BCAS3: variants seen among roughly 807,000 people sequenced by gnomAD.
The protein encoded by BCAS3 is BCAS3 microtubule associated cell migration factor.
In BCAS3, 53 loss-of-function variants were observed where a neutral mutation model predicts 116.1. The observed-to-expected ratio is 0.46, with a 90% confidence interval of 0.37 to 0.57. BCAS3 has a LOEUF of 0.57. Ranked by LOEUF, BCAS3 falls within the 20% of genes least tolerant of loss-of-function variation. BCAS3 has a pLI of 0.00. For synonymous variants in BCAS3, 391 were observed against 408.2 expected, an observed-to-expected ratio of 0.96 and a Z score of 0.51; for missense variants, 917 against 1,165.4, an observed-to-expected ratio of 0.79 and a Z score of 3.10.
chr17:61,009,024 A>T (rs367875771), intron 15 of BCAS3, among the ~76,000 whole-genome samples: 4 of 152,004 alleles, frequency 2.6e-5, no homozygotes, highest in African/African-American at 9.7e-5. Context: ...AGATAAGTGT[A>T]TGGAGAGGTG....
At chr17:60,874,016 T>C (rs949897179) in intron 8 of BCAS3, among the ~76,000 whole-genome samples, 4 of 152,016 alleles carry the variant, frequency 2.6e-5, no homozygotes, top group African/African-American at 9.7e-5. Flanking sequence ...ATCTTATCCA[T>C]CTTTACTGTA....
intron 22 of BCAS3, among the ~76,000 whole-genome samples, chr17:61,268,579 T>C (rs565111594): frequency 1.5e-3 from 232 of 151,984 alleles, no homozygotes; most frequent in African/African-American, 5.4e-3. Context: ...TTTCTGGGTT[T>C]TTTTTGTTTT....
intron 5 of BCAS3, among the ~76,000 whole-genome samples, chr17:60,739,192 C>T (rs551473448): frequency 7.9e-5 from 12 of 152,234 alleles, no homozygotes; most frequent in East Asian, 7.7e-4. Context: ...TCATTGCTGT[C>T]ATTTATTTCA....
intron 22 of BCAS3, among the ~76,000 whole-genome samples, chr17:61,114,123 G>A (rs1383747582): frequency 7.0e-6 from 1 of 143,600 alleles, no homozygotes; most frequent in Non-Finnish European, 1.5e-5. Flanking sequence ...CAAACCCACA[G>A]CCAATATCAT....
intron 22 of BCAS3, among the ~76,000 whole-genome samples, chr17:61,329,256 C>T (rs547573861): frequency 4.6e-5 from 7 of 152,060 alleles, no homozygotes; most frequent in African/African-American, 9.6e-5. Flanking sequence ...TGTGCCCCAC[C>T]GCCAAATACC....
Position 61,186,179 on chromosome 17 carries a change from C to G in BCAS3, c.2425+101615C>G, listed in dbSNP as rs1271898053. On this transcript the variant is annotated intron_variant, in intron 22 of 23. Transcript: ENST00000407086. The surrounding 1 kb of genome is among the most constrained non-coding windows in gnomAD (Gnocchi z 4.9). ...ACGATAGCTTATTTATATATTCATA[C>G]ACATTCTATAAAATCATTTTTAACC... Among the ~76,000 whole-genome samples, 1 of 152,082 alleles carries G rather than the reference C, an allele frequency of 6.6e-6. No individual in the cohort carries two copies.
intron 5 of BCAS3, among the ~76,000 whole-genome samples, chr17:60,738,967 G>A (rs922475658): frequency 6.6e-6 from 1 of 151,626 alleles, no homozygotes; most frequent in Non-Finnish European, 1.5e-5. Context: ...TACTTTTGCT[G>A]CTTTTTTAGT....
rs1393774929 is a variant in BCAS3, at chr17:61,332,214, A to G, written c.2426-36113A>G. 6.6e-6 allele frequency among the ~76,000 whole-genome samples: 1 copy of G among 152,204 alleles called. No individual in the cohort carries two copies. Among genetic ancestry groups the G allele is most frequent in the Non-Finnish European group, 1.5e-5 (1 of 68,044 alleles). On this transcript the variant is annotated intron_variant, in intron 22 of 23. Coordinates refer to ENST00000407086, the MANE Select transcript of BCAS3 (RefSeq NM_017679.5). The surrounding 1 kb of genome is among the most constrained non-coding windows in gnomAD (Gnocchi z 5.4). ...GGCTTCTCTTCTATGTTTCGGGGAC[A>G]TGAGAAGAAGGCATTCTTAGAACAG...
Position 60,689,903 on chromosome 17 carries a change from GCAGTA to G in BCAS3, c.214+146_214+150del. On this transcript the variant is annotated intron_variant, in intron 4 of 23. Transcript: ENST00000407086. ...TTTCAAAATAAAAGGTAGCATAACC[GCAGTA>G]CAGAAACTTTAGAACTAATATTGTG... 6 of 594,314 alleles carry G rather than the reference GCAGTA, an allele frequency of 1.0e-5. No homozygotes were observed. In the South Asian group the frequency reaches 1.3e-4, roughly 13 times the overall value. 36.8% of individuals were successfully genotyped at this position (594,314 alleles called of 1,614,324 possible). A position where few individuals can be genotyped will look rare whatever the true frequency, so the allele number is the denominator to read the frequency against.
rs1306491576 is a variant in BCAS3, at chr17:61,256,355, G to A, written c.2426-111972G>A. On this transcript the variant is annotated intron_variant, in intron 22 of 23. Coordinates refer to ENST00000407086, the MANE Select transcript of BCAS3 (RefSeq NM_017679.5). This position sits in a 1 kb window ranked among gnomAD's most constrained non-coding sequence, Gnocchi z 5.6. Reference sequence around the variant, plus strand: ...GTTTCACTCTCTCGCCCAGGCTGGAGTGCAGCGGTGTGATCAAGGCTCACT... The same window carrying A: ...GTTTCACTCTCTCGCCCAGGCTGGAATGCAGCGGTGTGATCAAGGCTCACT... Among the ~76,000 whole-genome samples, 5 of 152,042 alleles carry A rather than the reference G, an allele frequency of 3.3e-5. No homozygotes were observed. The highest frequency in any genetic ancestry group is 5.9e-5 in the Non-Finnish European group (4 of 68,006).
chr17:61,322,915 C>T lies in BCAS3; in HGVS notation c.2426-45412C>T, dbSNP rs570741107. Among the ~76,000 whole-genome samples, 9 of 147,390 alleles carry T rather than the reference C, an allele frequency of 6.1e-5. No individual in the cohort carries two copies. In the East Asian group the frequency reaches 8.0e-4, roughly 13 times the overall value. ...GGTCCTCTGGGAGACAGGGGCAAAT[C>T]GTCATGGAATAAGAATCTGTTTGAG... On this transcript the variant is annotated intron_variant, in intron 22 of 23. Transcript: ENST00000407086.
intron 15 of BCAS3, among the ~76,000 whole-genome samples, chr17:60,991,450 A>G (rs2063519797): frequency 1.3e-5 from 2 of 152,220 alleles, no homozygotes; most frequent in African/African-American, 2.4e-5. Flanking sequence ...ACCTTGATAA[A>G]TAACACTGGA....
chr17:61,091,979 G>A (rs1211038163), intron 22 of BCAS3, among the ~76,000 whole-genome samples: 1 of 152,176 alleles, frequency 6.6e-6, no homozygotes, highest in Non-Finnish European at 1.5e-5. Context: ...TAAAAACATA[G>A]AATATTTCCG....
intron 4 of BCAS3, among the ~76,000 whole-genome samples, chr17:60,706,228 A>C (rs551041792): frequency 1.1e-3 from 162 of 151,860 alleles, no homozygotes; most frequent in African/African-American, 3.6e-3. Flanking sequence ...ACGCCCGGCT[A>C]ATTTTTTGTA....
intron 5 of BCAS3, among the ~76,000 whole-genome samples, chr17:60,740,282 C>G (rs1478721554): frequency 6.6e-6 from 1 of 151,540 alleles, no homozygotes; most frequent in Non-Finnish European, 1.5e-5. Context: ...ATCACTGAGG[C>G]CAGGAGTTCA....
chr17:60,703,002 C>T (rs961080060), intron 4 of BCAS3, among the ~76,000 whole-genome samples: 19 of 151,158 alleles, frequency 1.3e-4, no homozygotes, highest in African/African-American at 4.4e-4. Flanking sequence ...AGGCTGGGCG[C>T]GGTGGCTCAT....
intron 5 of BCAS3, among the ~76,000 whole-genome samples, chr17:60,736,936 T>C (rs1166008688): frequency 5.3e-5 from 7 of 131,044 alleles, no homozygotes; most frequent in Non-Finnish European, 6.4e-5. Context: ...CTCCCTCCCT[T>C]CCTTCCTTCC....
chr17:61,282,412 T>A lies in BCAS3; in HGVS notation c.2426-85915T>A, dbSNP rs1203951671. Among the ~76,000 whole-genome samples the A allele has an allele frequency of 6.6e-6, 1 of 151,926 alleles. No homozygotes were observed. Among genetic ancestry groups the A allele is most frequent in the Non-Finnish European group, 1.5e-5 (1 of 67,988 alleles). On this transcript the variant is annotated intron_variant, in intron 22 of 23. Coordinates refer to ENST00000407086, the MANE Select transcript of BCAS3 (RefSeq NM_017679.5). This position sits in a 1 kb window ranked among gnomAD's most constrained non-coding sequence, Gnocchi z 5.9. ...TGTCCAAACTAGTACCTTTTAAGAG[T>A]AGGATGGTTGGAAAAAGTGGGCAGG... is the stretch of plus-strand genomic sequence containing the variant.
At chr17:60,755,045 A>G (rs2042875730) in intron 6 of BCAS3, among the ~76,000 whole-genome samples, 2 of 152,210 alleles carry the variant, frequency 1.3e-5, no homozygotes, top group Admixed American at 1.3e-4. Context: ...ACTTGAGAAC[A>G]TATGTTGTAT....
Sources: gnomAD v4.1 joint callset for allele counts (sites outside exome capture counted in the v4.1 genomes callset) on GRCh38, gnomAD v4.1.1 for gene constraint, Gnocchi (gnomAD v3.1) non-coding constraint, MANE v1.5 for transcripts, NCBI Gene and HGNC (gene_info 2026-07-23, HGNC 2026-07-21) for gene names.